The following WFDC9 variants were observed in gnomAD, a reference collection of about 807,000 sequenced individuals.
WFDC9 encodes the protein WAP four-disulfide core domain 9.
Under a neutral mutation model 9.5 loss-of-function variants are expected in WFDC9, and 9 were observed. The ratio of observed to expected loss-of-function variants is 0.95; its 90% CI spans 0.57 to 1.65. The LOEUF (loss-of-function observed/expected upper bound fraction) is 1.65. Among genes scored for constraint, WFDC9 ranks in the 40% most tolerant of loss-of-function variants. WFDC9 has a pLI of 0.00. For missense variants in WFDC9, 87 were observed against 106.7 expected (o/e 0.82, Z 0.81); for synonymous variants, 33 against 32.3 (o/e 1.02, Z -0.07).
At chr20:45,628,692 A>G (rs1457757440) in intron 1 of WFDC9, among the ~76,000 whole-genome samples, 1 of 152,226 alleles carries the variant, frequency 6.6e-6, no homozygotes, top group Non-Finnish European at 1.5e-5. Flanking sequence ...AGGAAGGTGC[A>G]TAAGGTGAGA....
intron 2 of WFDC9, among the ~76,000 whole-genome samples, chr20:45,612,562 A>C (rs1981884272): frequency 6.6e-6 from 1 of 152,196 alleles, no homozygotes; most frequent in South Asian, 2.1e-4. Context: ...GGGAAACTAG[A>C]GTATGGGAAC....
At chr20:45,609,033 T>A in intron 3 of WFDC9, among the ~76,000 whole-genome samples, 1 of 152,126 alleles carries the variant, frequency 6.6e-6, no homozygotes, top group Non-Finnish European at 1.5e-5. Context: ...TTTCAGACTC[T>A]AAAGATAGGA....
intron 1 of WFDC9, among the ~76,000 whole-genome samples, 172 bp from the exon 2 acceptor site, chr20:45,614,893 G>A (rs1981940367): frequency 6.6e-6 from 1 of 152,102 alleles, no homozygotes; most frequent in Admixed American, 6.6e-5. Flanking sequence ...GTGCAGGTGG[G>A]ATCCTCTGAA....
In WFDC9 at chr20:45,608,794, T is replaced by C; in HGVS notation, c.108A>G (p.Arg36=). ...WNKDPFLDMI[R]ETEQCWVQPP... Reference sequence around the variant, plus strand: ...GCTGTACCCAGCACTGCTCAGTTTCTCTTATCATATCTAGAACTGAGATGG... The same window carrying C: ...GCTGTACCCAGCACTGCTCAGTTTCCCTTATCATATCTAGAACTGAGATGG... The change falls in exon 4 of 5, where the codon AGA becomes AGG. Residue 36 remains arginine, a synonymous_variant. Transcript: ENST00000326000. The C allele has an allele frequency of 6.2e-7, 1 of 1,612,316 alleles. No individual in the cohort carries two copies. Among genetic ancestry groups the C allele is most frequent in the Non-Finnish European group, 8.5e-7 (1 of 1,179,228 alleles).
Position 45,609,488 on chromosome 20 carries a change from G to A in WFDC9, c.91+603C>T, listed in dbSNP as rs189018434. On this transcript the variant is annotated intron_variant, in intron 3 of 4. Coordinates refer to ENST00000326000, the MANE Select transcript of WFDC9 (RefSeq NM_147198.4). Reference sequence around the variant, plus strand: ...AGTGCTGGGATTACAGGTGTGAGACGCCGTGCCCAGCCATTTTTCTCCCCT... The same window carrying A: ...AGTGCTGGGATTACAGGTGTGAGACACCGTGCCCAGCCATTTTTCTCCCCT... 1.9e-4 allele frequency among the ~76,000 whole-genome samples: 29 copies of A among 152,042 alleles called. No homozygotes were observed. The East Asian group carries it at 5.2e-3, about 27-fold the overall frequency.
intron 1 of WFDC9, among the ~76,000 whole-genome samples, chr20:45,618,586 A>G (rs1982023733): frequency 1.3e-5 from 2 of 152,142 alleles, no homozygotes; most frequent in South Asian, 4.1e-4. Flanking sequence ...CAATTTCAAT[A>G]TTGTTGTGTC....
At chr20:45,616,004 G>C (rs1193384463) in intron 1 of WFDC9, among the ~76,000 whole-genome samples, 1 of 152,162 alleles carries the variant, frequency 6.6e-6, no homozygotes, top group Non-Finnish European at 1.5e-5. Context: ...GACTGATCAG[G>C]GTGGTGGTTG....
chr20:45,626,588 T>A (rs1982224060), intron 1 of WFDC9, among the ~76,000 whole-genome samples: 1 of 152,218 alleles, frequency 6.6e-6, no homozygotes, highest in Non-Finnish European at 1.5e-5. Flanking sequence ...TTTTTTTAAC[T>A]AGTTCATTGT....
chr20:45,613,490 G>A (rs1305805102), intron 2 of WFDC9, among the ~76,000 whole-genome samples: 1 of 152,196 alleles, frequency 6.6e-6, no homozygotes, highest in East Asian at 1.9e-4. Flanking sequence ...GTCATTAGAT[G>A]TATTGACTTT....
intron 1 of WFDC9, among the ~76,000 whole-genome samples, chr20:45,626,097 T>C (rs187830359): frequency 2.2e-4 from 34 of 152,158 alleles, no homozygotes; most frequent in Admixed American, 2.1e-3. Flanking sequence ...GCTGGGATTA[T>C]AGGCATGAGC....
chr20:45,607,951 A>G lies in WFDC9; in HGVS notation c.*159T>C. The G allele has an allele frequency of 1.2e-6, 1 of 806,450 alleles. No homozygotes were observed. Among genetic ancestry groups the G allele is most frequent in the Non-Finnish European group, 2.1e-6 (1 of 477,822 alleles). The allele number at this position is 806,450 out of a possible 1,614,324, so 50.0% of individuals were successfully genotyped here. On this transcript the variant is annotated 3_prime_UTR_variant, in exon 5 of 5. Transcript: ENST00000326000. ...ATATGCAGAGCCCTCAGGTTGATGT[A>G]GCAGTTTATTTGACAAAAGCTTCAG...
In WFDC9 at chr20:45,607,964, A is replaced by T; in HGVS notation, c.*146T>A. 1 of 907,364 alleles carries T rather than the reference A, an allele frequency of 1.1e-6. No individual in the cohort carries two copies. Among genetic ancestry groups the T allele is most frequent in the South Asian group, 1.5e-5 (1 of 68,574 alleles). 56.2% of individuals were successfully genotyped at this position (907,364 alleles called of 1,614,324 possible). A position where few individuals can be genotyped will look rare whatever the true frequency, so the allele number is the denominator to read the frequency against. Reference sequence around the variant, plus strand: ...TCAGGTTGATGTAGCAGTTTATTTGACAAAAGCTTCAGGGTAAAGAGGTCA... The same window carrying T: ...TCAGGTTGATGTAGCAGTTTATTTGTCAAAAGCTTCAGGGTAAAGAGGTCA... On this transcript the variant is annotated 3_prime_UTR_variant, in exon 5 of 5. Transcript: ENST00000326000.
At chr20:45,617,566 C>G (rs188332406) in intron 1 of WFDC9, among the ~76,000 whole-genome samples, 214 of 152,294 alleles carry the variant, frequency 1.4e-3, no homozygotes, top group Non-Finnish European at 2.6e-3. Flanking sequence ...TGCTATGTTC[C>G]CTAGGCTTGT....
chr20:45,627,599 A>G (rs1982249091), intron 1 of WFDC9, among the ~76,000 whole-genome samples: 1 of 152,136 alleles, frequency 6.6e-6, no homozygotes, highest in Non-Finnish European at 1.5e-5. Context: ...TTTGAATTAT[A>G]AAGGATATCA....
chr20:45,628,833 G>A (rs1377772714), intron 1 of WFDC9, among the ~76,000 whole-genome samples: 2 of 152,300 alleles, frequency 1.3e-5, no homozygotes, highest in East Asian at 1.9e-4. Context: ...CAGAGGAAGA[G>A]GGTGATCTTC....
rs1982308804 is a variant in WFDC9 at position 45,629,730 on chromosome 20, C to T, written c.-153+1473G>A. 2.1e-5 allele frequency: 31 copies of T among 1,504,578 alleles called. No homozygotes were observed. In the South Asian group the frequency reaches 3.8e-4, roughly 18 times the overall value. 93.2% of individuals were successfully genotyped at this position (1,504,578 alleles called of 1,614,324 possible). A position where few individuals can be genotyped will look rare whatever the true frequency, so the allele number is the denominator to read the frequency against. ...AGGAGCTAAAGATCATTCCTTCTTT[C>T]CTTCCTTCACTCTCCGTAGACAGCT... On this transcript the variant is annotated intron_variant, in intron 1 of 4. Transcript: ENST00000326000.
chr20:45,608,168 AAGAATCC>A (rs1474051510), intron 4 of WFDC9, 28 bp from the exon 5 acceptor site: 2 of 1,605,254 alleles, frequency 1.2e-6, no homozygotes, highest in Non-Finnish European at 8.5e-7. Context: ...GTCAAAAGTC[AAGAATCC>A]TGGGATAAAT....
At position 45,608,762 on chromosome 20, in the gene WFDC9, T is replaced by C. The variant is rs1981787453; in HGVS notation, c.140A>G (p.Tyr47Cys). 4.3e-6 allele frequency: 7 copies of C among 1,613,986 alleles called. No individual in the cohort carries two copies. Among genetic ancestry groups the C allele is most frequent in the Admixed American group, 1.7e-5 (1 of 59,998 alleles). The change falls in exon 4 of 5, where the codon TAT becomes TGT. Residue 47 changes from tyrosine (Y) to cysteine (C), a missense_variant. Coordinates refer to ENST00000326000, the MANE Select transcript of WFDC9 (RefSeq NM_147198.4). Reference protein sequence around the residue: ...ETEQCWVQPPYKYCEKRCTKI... With the variant: ...ETEQCWVQPPCKYCEKRCTKI... ...AGTACACCTTTTCTCACAGTACTTA[T>C]ATGGAGGCTGTACCCAGCACTGCTC...
At chr20:45,630,982 T>C (rs1186061846) in intron 1 of WFDC9, 1 of 1,609,030 alleles carries the variant, frequency 6.2e-7, no homozygotes, top group East Asian at 2.2e-5. Flanking sequence ...TATGCTGTTC[T>C]ACCTACTGTG....
Sources: gnomAD v4.1 joint callset for allele counts (sites outside exome capture counted in the v4.1 genomes callset) on GRCh38, gnomAD v4.1.1 for gene constraint, MANE v1.5 for transcripts, NCBI Gene and HGNC (gene_info 2026-07-23, HGNC 2026-07-21) for gene names.